The following DRC10 variants were observed in gnomAD, a reference collection of about 807,000 sequenced individuals.
DRC10 encodes the protein dynein regulatory complex subunit 10.
At chr12:113,203,763 A>G in the DRC10 span, among the ~76,000 whole-genome samples, 3 of 149,110 alleles carry the variant, frequency 2.0e-5, no homozygotes, top group East Asian at 2.0e-4. Context: ...GGCATGAGCC[A>G]CTGTGCCCAG....
chr12:113,197,661 A>G, the DRC10 span: 1 of 1,180,572 alleles, frequency 8.5e-7, no homozygotes. Flanking sequence ...ATTAACAATC[A>G]ACAGCACTGA....
the DRC10 span, among the ~76,000 whole-genome samples, chr12:113,211,717 C>A: frequency 6.6e-6 from 1 of 152,256 alleles, no homozygotes; most frequent in Non-Finnish European, 1.5e-5. Context: ...GATTCACACA[C>A]ACTTCCTGCT....
At chr12:113,195,615 C>G in the DRC10 span, 2 of 1,610,488 alleles carry the variant, frequency 1.2e-6, no homozygotes, top group Non-Finnish European at 1.7e-6. Flanking sequence ...TTTCTGCTTG[C>G]CCTTCTCCTT....
At chr12:113,218,954 T>C in the DRC10 span, among the ~76,000 whole-genome samples, 1 of 152,242 alleles carries the variant, frequency 6.6e-6, no homozygotes, top group East Asian at 1.9e-4. Context: ...TATTTAAGTC[T>C]TTGTGTGGAC....
the DRC10 span, among the ~76,000 whole-genome samples, chr12:113,219,327 T>C: frequency 4.6e-5 from 7 of 152,222 alleles, no homozygotes; most frequent in Non-Finnish European, 8.8e-5. Flanking sequence ...CGAGCCACTG[T>C]GCCTGGCCTA....
the DRC10 span, among the ~76,000 whole-genome samples, chr12:113,216,289 TG>T: frequency 2.0e-5 from 3 of 152,148 alleles, no homozygotes; most frequent in Non-Finnish European, 4.4e-5. Context: ...AAGCTGCATA[TG>T]GTATCACTCC....
chr12:113,218,296 G>A, the DRC10 span, among the ~76,000 whole-genome samples: 1 of 149,688 alleles, frequency 6.7e-6, no homozygotes, highest in African/African-American at 2.5e-5. Context: ...GCCACCACGC[G>A]CAGCTAATTT....
chr12:113,212,543 C>T, the DRC10 span, among the ~76,000 whole-genome samples: 1 of 152,320 alleles, frequency 6.6e-6, no homozygotes, highest in African/African-American at 2.4e-5. Flanking sequence ...ATCAAAATGC[C>T]TGAATTCTTC....
chr12:113,197,226 G>T, the DRC10 span, among the ~76,000 whole-genome samples: 1 of 139,670 alleles, frequency 7.2e-6, no homozygotes, highest in East Asian at 2.4e-4. Flanking sequence ...TAATAGAGAT[G>T]GAGTCTTGCT....
At chr12:113,200,957 G>A in the DRC10 span, 3 of 606,272 alleles carry the variant, frequency 4.9e-6, no homozygotes, top group Non-Finnish European at 8.6e-6. Flanking sequence ...TGGCTAACAT[G>A]ATGAAATCCC....
At chr12:113,207,831 TTCTTTC>T in the DRC10 span, 1 of 1,614,130 alleles carries the variant, frequency 6.2e-7, no homozygotes, top group Non-Finnish European at 8.5e-7. Context: ...GCAATTGCCT[TTCTTTC>T]TCTTTCAGGC....
At chr12:113,198,411 G>A in the DRC10 span, among the ~76,000 whole-genome samples, 2 of 152,248 alleles carry the variant, frequency 1.3e-5, no homozygotes, top group Admixed American at 6.5e-5. Context: ...GCAGTGGAGG[G>A]ACATGATCTA....
chr12:113,201,081 G>A, the DRC10 span, among the ~76,000 whole-genome samples: 1 of 152,184 alleles, frequency 6.6e-6, no homozygotes, highest in Non-Finnish European at 1.5e-5. Flanking sequence ...AGAGATTGCA[G>A]TGAGCGGAGA....
chr12:113,201,796 C>T, the DRC10 span, among the ~76,000 whole-genome samples: 4 of 152,264 alleles, frequency 2.6e-5, no homozygotes, highest in Admixed American at 6.5e-5. Flanking sequence ...CTGCTCACTT[C>T]CTGCACACTG....
chr12:113,211,968 G>C, the DRC10 span, among the ~76,000 whole-genome samples: 1 of 152,096 alleles, frequency 6.6e-6, no homozygotes, highest in Admixed American at 6.5e-5. Context: ...GGGGAGCTGA[G>C]GCAGGAGGAT....
At chr12:113,220,507 G>A in the DRC10 span, among the ~76,000 whole-genome samples, 1 of 152,072 alleles carries the variant, frequency 6.6e-6, no homozygotes, top group Non-Finnish European at 1.5e-5. Context: ...GCCCGCCTCG[G>A]CCTCCCAAAG....
chr12:113,197,682 C>A, the DRC10 span: 1 of 959,928 alleles, frequency 1.0e-6, no homozygotes, highest in Non-Finnish European at 1.6e-6. Flanking sequence ...GCACTCTCTG[C>A]ATCACTAGGC....
the DRC10 span, among the ~76,000 whole-genome samples, chr12:113,220,322 C>G: frequency 5.3e-5 from 8 of 152,194 alleles, no homozygotes; most frequent in African/African-American, 1.9e-4. Flanking sequence ...ATGGCGCTAT[C>G]TTGGCTTACT....
chr12:113,219,287 G>C, the DRC10 span, among the ~76,000 whole-genome samples: 8 of 151,938 alleles, frequency 5.3e-5, no homozygotes, highest in African/African-American at 1.9e-4. Flanking sequence ...CCACCTGCCT[G>C]TGCCTCCTAC....
Sources: allele counts gnomAD v4.1 joint callset (sites outside exome capture counted in the v4.1 genomes callset), GRCh38; gene constraint gnomAD v4.1.1; transcripts MANE v1.5; gene names NCBI Gene and HGNC (gene_info 2026-07-23, HGNC 2026-07-21).